LDB1: variants seen among roughly 807,000 people sequenced by gnomAD.
The protein encoded by LDB1 is LIM domain binding 1.
LDB1 carries 6 observed loss-of-function variants against 49.7 expected under a neutral mutation model. That is an observed-to-expected ratio of 0.12 (90% CI 0.07 to 0.24). LDB1 has a LOEUF of 0.24. Ranked by LOEUF, LDB1 falls within the 10% of genes least tolerant of loss-of-function variation. The pLI is 1.00. For missense variants in LDB1, 341 were observed against 561.7 expected (o/e 0.61, Z 3.97); for synonymous variants, 233 against 202.0 (o/e 1.15, Z -1.30).
chr10:102,111,084 A>C lies in LDB1; in HGVS notation c.234T>G (p.Leu78=). The C allele has an allele frequency of 1.9e-6, 3 of 1,614,090 alleles. No homozygotes were observed. The highest frequency in any genetic ancestry group is 2.5e-6 in the Non-Finnish European group (3 of 1,180,008). Residue 78 remains leucine, a synonymous_variant, in exon 4 of 11, where the codon CTT becomes CTG. Coordinates refer to ENST00000673968, the MANE Select transcript of LDB1 (RefSeq NM_001113407.3). ...DYRIFELNKR[L]QNWTEECDNL... is the part of the protein sequence containing the mutation. ...TTGGCCATACCTCTGTCCAGTTCTG[A>C]AGCCGTTTGTTAAGCTCAAATATTC...
downstream of LDB1, among the ~76,000 whole-genome samples, chr10:102,102,718 A>G (rs2068129743): frequency 1.3e-5 from 2 of 152,206 alleles, no homozygotes; most frequent in Non-Finnish European, 2.9e-5. Context: ...GAGGAGCCCC[A>G]GAGCTGGGCC....
In LDB1 at chr10:102,110,088, T is replaced by C. The variant is rs1409790808; in HGVS notation, c.526-45A>G. 3.8e-6 allele frequency: 6 copies of C among 1,585,166 alleles called. No homozygotes were observed. In the South Asian group the frequency reaches 6.7e-5, roughly 18 times the overall value. On this transcript the variant is annotated intron_variant, in intron 6 of 10. Transcript: ENST00000673968. Reference sequence around the variant, plus strand: ...AACCCTGCCCCCTCCCCACATACCATACCTGAAGGTATGTCTATTACAGTC... The same window carrying C: ...AACCCTGCCCCCTCCCCACATACCACACCTGAAGGTATGTCTATTACAGTC...
rs1168703682 is a variant in LDB1, at chr10:102,108,929, T to C, written c.1005+100A>G. 6.0e-6 allele frequency: 9 copies of C among 1,505,154 alleles called. No homozygotes were observed. In the South Asian group the frequency reaches 1.0e-4, roughly 17 times the overall value. 93.2% of individuals were successfully genotyped at this position (1,505,154 alleles called of 1,614,324 possible). On this transcript the variant is annotated intron_variant, in intron 10 of 10. Transcript: ENST00000673968. ...TGCTGGCAGAGTACATGAGAAAAAC[T>C]GTCTTTGCTTCTACGCCTGCTAGTG...
At chr10:102,103,816 AAAAAAG>A (rs2068135687), downstream of LDB1, among the ~76,000 whole-genome samples, 1 of 151,874 alleles carries the variant, frequency 6.6e-6, no homozygotes. Flanking sequence ...TCCATCTCTT[AAAAAAG>A]AAAAAGTAGA....
At chr10:102,114,800 T>TGCCTCC (rs2068311160) in intron 1 of LDB1, 1 of 978,908 alleles carries the variant, frequency 1.0e-6, no homozygotes, top group African/African-American at 1.8e-5. Flanking sequence ...TTGCTGCCTC[T>TGCCTCC]GCCTCCGAGC....
intron 1 of LDB1, chr10:102,114,915 C>T (rs3758554): frequency 1.0e-5 from 9 of 876,016 alleles, no homozygotes; most frequent in Middle Eastern, 5.8e-4. Context: ...CAAACACACA[C>T]GCAGCGCCCG....
chr10:102,114,778 C>T (rs1379483201), intron 1 of LDB1: 1 of 956,194 alleles, frequency 1.0e-6, no homozygotes, highest in Non-Finnish European at 1.2e-6. Flanking sequence ...CGGCTCTCCC[C>T]GCCGCCGCCT....
At chr10:102,121,043 CCTT>C (rs2068413787), upstream of LDB1, among the ~76,000 whole-genome samples, 1 of 152,170 alleles carries the variant, frequency 6.6e-6, no homozygotes, top group Non-Finnish European at 1.5e-5. Context: ...AACCACTCCT[CCTT>C]TGCCTGCGAA....
rs542528787 is a variant in LDB1 at position 102,107,235 on chromosome 10, G to T, written c.*858C>A. On this transcript the variant is annotated 3_prime_UTR_variant, in exon 11 of 11. Coordinates refer to ENST00000673968, the MANE Select transcript of LDB1 (RefSeq NM_001113407.3). Reference sequence around the variant, plus strand: ...ATATACATACCATGGGGGTGGGGCTGGAAGAGAGGGAGTCACAAGCACTAG... The same window carrying T: ...ATATACATACCATGGGGGTGGGGCTTGAAGAGAGGGAGTCACAAGCACTAG... Among the ~76,000 whole-genome samples the T allele has an allele frequency of 2.6e-5, 4 of 152,244 alleles. No individual in the cohort carries two copies. The highest frequency in any genetic ancestry group is 6.5e-5 in the Admixed American group (1 of 15,290).
At chr10:102,104,687 A>G (rs543948972), downstream of LDB1, among the ~76,000 whole-genome samples, 1 of 152,284 alleles carries the variant, frequency 6.6e-6, no homozygotes, top group East Asian at 1.9e-4. Flanking sequence ...GATGGGGTCC[A>G]GGCCTGGCAA....
chr10:102,107,184 C>T lies in LDB1; in HGVS notation c.*909G>A, dbSNP rs943631329. 1.3e-5 allele frequency among the ~76,000 whole-genome samples: 2 copies of T among 152,114 alleles called. No homozygotes were observed. Among genetic ancestry groups the T allele is most frequent in the Admixed American group, 6.5e-5 (1 of 15,268 alleles). On this transcript the variant is annotated 3_prime_UTR_variant, in exon 11 of 11. Coordinates refer to ENST00000673968, the MANE Select transcript of LDB1 (RefSeq NM_001113407.3). Reference sequence around the variant, plus strand: ...CCTCCCCTCCCCGCATCCTAGACAGCTGCTCTTGTGGAGGACTTGTAAGGA... The same window carrying T: ...CCTCCCCTCCCCGCATCCTAGACAGTTGCTCTTGTGGAGGACTTGTAAGGA...
Position 102,109,682 on chromosome 10 carries a change from G to C in LDB1, c.650C>G (p.Ala217Gly). 6.2e-7 allele frequency: 1 copy of C among 1,613,986 alleles called. No homozygotes were observed. ...CTGATCCAACATCTGGGGGTCTTGG[G>C]CCTAGAGTGGGAGAAAAGACAAGAA... ...LIPRSILAMH[A>G]QDPQMLDQLS... Residue 217 changes from alanine to glycine, a missense_variant and splice_region_variant, in exon 8 of 11, where the codon GCC (alanine) becomes GGC (glycine). Physicochemically the swap from Ala to Gly is moderately conservative, Grantham distance 60. Around this residue, in one of 5 missense-constraint regions of LDB1, gnomAD observed 233 missense variants for 385.7 expected, o/e 0.60. Coordinates refer to ENST00000673968, the MANE Select transcript of LDB1 (RefSeq NM_001113407.3). This position sits in a 1 kb window ranked among gnomAD's most constrained non-coding sequence, Gnocchi z 5.8.
chr10:102,110,283 A>G, intron 6 of LDB1: 1 of 622,414 alleles, frequency 1.6e-6, no homozygotes, highest in Non-Finnish European at 2.8e-6. Context: ...GGCTAGTGAT[A>G]CACCCACCTG....
chr10:102,118,606 T>G (rs535434906), intron 1 of LDB1, among the ~76,000 whole-genome samples: 1 of 152,282 alleles, frequency 6.6e-6, no homozygotes, highest in South Asian at 2.1e-4. Flanking sequence ...TACCCACTAT[T>G]TGTAGGAACT....
intron 1 of LDB1, 70 bp from the exon 2 acceptor site, chr10:102,111,606 C>T: frequency 1.1e-6 from 1 of 878,748 alleles, no homozygotes; most frequent in Non-Finnish European, 1.7e-6. Flanking sequence ...CTTTGGGAGT[C>T]CAAGGCAAGA....
chr10:102,110,740 G>A (rs376341929), intron 5 of LDB1, 39 bp from the exon 6 acceptor site: 141 of 1,598,956 alleles, frequency 8.8e-5, no homozygotes, highest in Middle Eastern at 3.3e-4. Context: ...CAAAGGGACC[G>A]CAAAAGGGGC....
chr10:102,105,744 C>G (rs757330464), downstream of LDB1, among the ~76,000 whole-genome samples: 2 of 150,562 alleles, frequency 1.3e-5, no homozygotes, highest in Non-Finnish European at 3.0e-5. Context: ...GGTGGATCAC[C>G]TGAGGTCAAG....
In LDB1 at chr10:102,111,004, A is replaced by G. The variant is rs568740597; in HGVS notation, c.250-33T>C. On this transcript the variant is annotated intron_variant, in intron 4 of 10. Transcript: ENST00000673968. ...GCATGGTAACGGGTGTTCATGTGTCATAAGATATCCCATAGGGTGCCCAGA... is the reference window on the plus strand; with the variant it reads ...GCATGGTAACGGGTGTTCATGTGTCGTAAGATATCCCATAGGGTGCCCAGA... 4.3e-6 allele frequency: 7 copies of G among 1,611,954 alleles called. No homozygotes were observed. The African/African-American group carries it at 5.3e-5, about 12-fold the overall frequency.
In LDB1 at chr10:102,109,781, T is replaced by C. The variant is rs148543616; in HGVS notation, c.649-98A>G. On this transcript the variant is annotated intron_variant, in intron 7 of 10. Coordinates refer to ENST00000673968, the MANE Select transcript of LDB1 (RefSeq NM_001113407.3). This position sits in a 1 kb window ranked among gnomAD's most constrained non-coding sequence, Gnocchi z 5.8. ...GCATTGTGACACTCCTGAGAGAGGA[T>C]AGTCTCTTATTAAACCTGCTGTTCA... The C allele has an allele frequency of 1.4e-3, 2,176 of 1,541,184 alleles. 11 individuals are homozygous for C. Among genetic ancestry groups the C allele is most frequent in the African/African-American group, 0.013 (938 of 73,498 alleles).
Sources: allele counts gnomAD v4.1 joint callset (sites outside exome capture counted in the v4.1 genomes callset), GRCh38; gene constraint gnomAD v4.1.1; regional missense constraint gnomAD v4.1.1; non-coding constraint Gnocchi (gnomAD v3.1); transcripts MANE v1.5; gene names NCBI Gene and HGNC (gene_info 2026-07-23, HGNC 2026-07-21).